The following IQCJ variants were observed in gnomAD, a reference collection of about 807,000 sequenced individuals.
IQCJ encodes IQ motif containing J.
A neutral mutation model predicts 11.0 loss-of-function variants in IQCJ; 9 were observed. The ratio of observed to expected loss-of-function variants is 0.82; its 90% CI spans 0.49 to 1.43. The LOEUF (loss-of-function observed/expected upper bound fraction) is 1.43. Among genes scored for constraint, IQCJ ranks in the 40% most tolerant of loss-of-function variants. The pLI, the probability that IQCJ is intolerant of heterozygous loss-of-function variation, is 0.00. For synonymous variants in IQCJ, 55 were observed against 51.3 expected (o/e 1.07, Z -0.31); for missense variants, 146 against 133.2 (o/e 1.10, Z -0.47).
intron 1 of IQCJ, among the ~76,000 whole-genome samples, chr3:159,150,539 G>A (rs1399353824): frequency 6.6e-6 from 1 of 151,944 alleles, no homozygotes; most frequent in African/African-American, 2.4e-5. Context: ...GAGAGCCACG[G>A]AGGGTGTGTA....
chr3:159,115,528 C>G (rs978010773), intron 1 of IQCJ, among the ~76,000 whole-genome samples: 1 of 152,164 alleles, frequency 6.6e-6, no homozygotes, highest in Non-Finnish European at 1.5e-5. Flanking sequence ...GTAAAATTTG[C>G]CTTCTGTCTT....
At chr3:159,120,592 C>A (rs1236971941) in intron 1 of IQCJ, among the ~76,000 whole-genome samples, 1 of 152,190 alleles carries the variant, frequency 6.6e-6, no homozygotes, top group East Asian at 1.9e-4. Context: ...ATATAGCATC[C>A]TTTCTGCCAC....
chr3:159,214,693 T>G (rs1038309792), intron 1 of IQCJ, among the ~76,000 whole-genome samples: 1 of 152,184 alleles, frequency 6.6e-6, no homozygotes, highest in African/African-American at 2.4e-5. Flanking sequence ...TTAGCACCAG[T>G]GTGGGGCCTG....
intron 1 of IQCJ, among the ~76,000 whole-genome samples, chr3:159,208,438 C>T (rs953929678): frequency 5.9e-5 from 9 of 152,194 alleles, no homozygotes; most frequent in African/African-American, 1.7e-4. Flanking sequence ...GTATTTTTGG[C>T]TCCTACTGTT....
intron 1 of IQCJ, among the ~76,000 whole-genome samples, chr3:159,154,248 A>G (rs1367362784): frequency 6.6e-6 from 1 of 152,040 alleles, no homozygotes; most frequent in African/African-American, 2.4e-5. Flanking sequence ...TTTTTGCTCC[A>G]CTTTAAAGAA....
rs79521370 is a variant in IQCJ, at chr3:159,118,156, T to A, written c.9+48715T>A. On this transcript the variant is annotated intron_variant, in intron 1 of 3. Coordinates refer to ENST00000397832, the MANE Select transcript of IQCJ (RefSeq NM_001042706.3). Reference sequence around the variant, plus strand: ...TAACATCAGCAATTATAAAATGGAATTTTAAGGTACTAAACTCAAATGATG... The same window carrying A: ...TAACATCAGCAATTATAAAATGGAAATTTAAGGTACTAAACTCAAATGATG... Among the ~76,000 whole-genome samples the A allele has an allele frequency of 3.5e-3, 535 of 152,318 alleles. 4 individuals are homozygous for A. The highest frequency in any genetic ancestry group is 0.012 in the African/African-American group (517 of 41,582).
At chr3:159,088,312 A>T (rs1277447580) in intron 1 of IQCJ, among the ~76,000 whole-genome samples, 3 of 151,938 alleles carry the variant, frequency 2.0e-5, no homozygotes, top group African/African-American at 4.8e-5. Flanking sequence ...GTTCTTTTAC[A>T]TTTGCTGAGG....
At chr3:159,194,706 TCCATCTTCTG>T (rs1347028572) in intron 1 of IQCJ, among the ~76,000 whole-genome samples, 1 of 152,186 alleles carries the variant, frequency 6.6e-6, no homozygotes, top group Non-Finnish European at 1.5e-5. Flanking sequence ...GATCTTTTCT[TCCATCTTCTG>T]CCATGGCAAT....
chr3:159,246,583 A>G (rs1350524876), intron 2 of IQCJ, among the ~76,000 whole-genome samples: 7 of 152,140 alleles, frequency 4.6e-5, no homozygotes, highest in Non-Finnish European at 1.0e-4. Context: ...GCTGAGCCCT[A>G]ATGTACTCAG....
At chr3:159,226,307 G>T (rs1725850111) in intron 1 of IQCJ, among the ~76,000 whole-genome samples, 1 of 152,166 alleles carries the variant, frequency 6.6e-6, no homozygotes, top group South Asian at 2.1e-4. Context: ...CTATGTAGGG[G>T]CCCAGGTGCC....
At position 159,079,650 on chromosome 3, in the gene IQCJ, C is replaced by A. The variant is rs138344809; in HGVS notation, c.9+10209C>A. ...ATGTTTTAACGAAAACTCTAAAGCACTGAATGCACAGTTTATGACCTCTCA... is the reference window on the plus strand; with the variant it reads ...ATGTTTTAACGAAAACTCTAAAGCAATGAATGCACAGTTTATGACCTCTCA... On this transcript the variant is annotated intron_variant, in intron 1 of 3. Coordinates refer to ENST00000397832, the MANE Select transcript of IQCJ (RefSeq NM_001042706.3). Among the ~76,000 whole-genome samples, 201 of 152,198 alleles carry A rather than the reference C, an allele frequency of 1.3e-3. 3 individuals carry two copies. In the East Asian group the frequency reaches 0.03, roughly 23 times the overall value.
intron 1 of IQCJ, among the ~76,000 whole-genome samples, chr3:159,190,977 C>T (rs1164225334): frequency 6.6e-6 from 1 of 152,148 alleles, no homozygotes; most frequent in Non-Finnish European, 1.5e-5. Context: ...TATTTTTAGT[C>T]ATATTTCAGT....
intron 1 of IQCJ, among the ~76,000 whole-genome samples, chr3:159,082,909 A>G (rs1317328880): frequency 6.6e-6 from 1 of 152,130 alleles, no homozygotes; most frequent in Non-Finnish European, 1.5e-5. Flanking sequence ...GAGAAATCTG[A>G]TATCCTTCAG....
intron 1 of IQCJ, among the ~76,000 whole-genome samples, chr3:159,084,403 T>G (rs999977505): frequency 6.6e-6 from 1 of 151,988 alleles, no homozygotes; most frequent in African/African-American, 2.4e-5. Context: ...TTGGTAAATC[T>G]GGGAGTTGTT....
Position 159,223,707 on chromosome 3 carries a change from G to C in IQCJ, c.10-22136G>C, listed in dbSNP as rs578239831. Among the ~76,000 whole-genome samples the C allele has an allele frequency of 3.9e-5, 6 of 152,230 alleles. No individual in the cohort carries two copies. In the East Asian group the frequency reaches 1.2e-3, roughly 29 times the overall value. ...TGACCAGTGCAGTAATACATGTTGA[G>C]TATCTGTAATCTGAAAATCCAAAAT... On this transcript the variant is annotated intron_variant, in intron 1 of 3. Coordinates refer to ENST00000397832, the MANE Select transcript of IQCJ (RefSeq NM_001042706.3).
intron 1 of IQCJ, among the ~76,000 whole-genome samples, chr3:159,221,440 C>T (rs1042209322): frequency 3.9e-5 from 6 of 152,132 alleles, no homozygotes; most frequent in Non-Finnish European, 8.8e-5. Flanking sequence ...GTCTCTGCTG[C>T]AGTCCTAGAA....
intron 1 of IQCJ, among the ~76,000 whole-genome samples, chr3:159,139,876 A>C (rs1720502858): frequency 6.6e-6 from 1 of 152,204 alleles, no homozygotes; most frequent in Non-Finnish European, 1.5e-5. Context: ...CCTAATAAAG[A>C]AATATTGCTA....
intron 1 of IQCJ, among the ~76,000 whole-genome samples, chr3:159,090,403 C>A (rs542841534): frequency 6.6e-6 from 1 of 151,796 alleles, no homozygotes; most frequent in African/African-American, 2.4e-5. Flanking sequence ...CGGAGCTGTT[C>A]CTATTTGGCC....
intron 1 of IQCJ, among the ~76,000 whole-genome samples, chr3:159,183,442 T>G (rs73877529): frequency 0.048 from 7,296 of 152,204 alleles, 570 homozygotes; most frequent in African/African-American, 0.17. Flanking sequence ...CTCCTTTCTG[T>G]CTATGTGATC....
Sources: gnomAD v4.1 joint callset for allele counts (sites outside exome capture counted in the v4.1 genomes callset) on GRCh38, gnomAD v4.1.1 for gene constraint, MANE v1.5 for transcripts, NCBI Gene and HGNC (gene_info 2026-07-23, HGNC 2026-07-21) for gene names.